CSMD2: variants seen among roughly 807,000 people sequenced by gnomAD.
CSMD2 encodes CUB and sushi domain-containing protein 2.
CSMD2 carries 130 observed loss-of-function variants against 398.5 expected under a neutral mutation model. The observed-to-expected ratio is 0.33, with a 90% CI of 0.28 to 0.38. The LOEUF is 0.38. CSMD2 is among the 10% of genes least tolerant of loss of function. The pLI is 1.00. For synonymous variants in CSMD2, 1,828 were observed against 1,908.5 expected, an observed-to-expected ratio of 0.96 and a Z score of 1.10; for missense variants, 3,829 against 4,764.9, an observed-to-expected ratio of 0.80 and a Z score of 5.78.
At chr1:34,066,589 G>A (rs919873174) in intron 2 of CSMD2, among the ~76,000 whole-genome samples, 3 of 152,180 alleles carry the variant, frequency 2.0e-5, no homozygotes, top group East Asian at 1.9e-4. Context: ...GCTCTGACGT[G>A]GAGTTAGAAG....
At chr1:34,019,770 C>T (rs1417060175) in intron 3 of CSMD2, among the ~76,000 whole-genome samples, 3 of 152,194 alleles carry the variant, frequency 2.0e-5, no homozygotes, top group Non-Finnish European at 4.4e-5. Flanking sequence ...CTTCCTGTGG[C>T]CTCCTAGGTC....
intron 2 of CSMD2, among the ~76,000 whole-genome samples, chr1:34,064,555 T>C (rs1006828020): frequency 3.3e-5 from 5 of 152,172 alleles, no homozygotes; most frequent in Non-Finnish European, 5.9e-5. Flanking sequence ...TGGACCCTAC[T>C]GTTCATATCA....
At chr1:34,120,930 C>T (rs74724233) in intron 1 of CSMD2, among the ~76,000 whole-genome samples, 5 of 152,224 alleles carry the variant, frequency 3.3e-5, no homozygotes, top group African/African-American at 1.2e-4. Flanking sequence ...GCATTTCCAA[C>T]CACCCATTCT....
At chr1:33,605,504 C>T (rs1177131920) in intron 41 of CSMD2, 34 bp from the exon 42 acceptor site, 4 of 1,605,800 alleles carry the variant, frequency 2.5e-6, no homozygotes, top group African/African-American at 2.7e-5. Flanking sequence ...TCACTTTATT[C>T]TCTCTGACCA....
At chr1:33,825,335 A>T (rs1023945970) in intron 7 of CSMD2, among the ~76,000 whole-genome samples, 8 of 152,230 alleles carry the variant, frequency 5.3e-5, no homozygotes, top group African/African-American at 1.9e-4. Flanking sequence ...TCCCAGCCCA[A>T]GGTTACTGAC....
At chr1:33,770,528 GC>G (rs1569843413) in intron 13 of CSMD2, among the ~76,000 whole-genome samples, 3 of 152,240 alleles carry the variant, frequency 2.0e-5, no homozygotes, top group Admixed American at 1.3e-4. Flanking sequence ...AAGGCATGGG[GC>G]CGGTTGGCTC....
chr1:34,023,405 G>T (rs1043018775), intron 3 of CSMD2, among the ~76,000 whole-genome samples: 19 of 152,284 alleles, frequency 1.2e-4, no homozygotes, highest in African/African-American at 4.3e-4. Context: ...ACAGGACAGG[G>T]TCTTCTCAGA....
chr1:34,094,940 A>T (rs1427292031), intron 1 of CSMD2, among the ~76,000 whole-genome samples: 3 of 146,128 alleles, frequency 2.1e-5, no homozygotes, highest in East Asian at 4.0e-4. Flanking sequence ...CTCCACCCCA[A>T]ATCAACAGAA....
At chr1:33,784,628 G>C (rs769323520) in intron 12 of CSMD2, among the ~76,000 whole-genome samples, 1 of 152,204 alleles carries the variant, frequency 6.6e-6, no homozygotes, top group African/African-American at 2.4e-5. Flanking sequence ...AGTATGGGGA[G>C]GGAGGGCCCT....
intron 37 of CSMD2, among the ~76,000 whole-genome samples, chr1:33,617,823 A>G (rs1012458593): frequency 3.3e-5 from 5 of 152,180 alleles, no homozygotes; most frequent in Admixed American, 1.3e-4. Context: ...CGGAGGCTCA[A>G]CAGACCAAAG....
At chr1:34,124,851 G>A (rs1662574185) in intron 1 of CSMD2, among the ~76,000 whole-genome samples, 1 of 152,112 alleles carries the variant, frequency 6.6e-6, no homozygotes, top group South Asian at 2.1e-4. Flanking sequence ...TAAAAACAAA[G>A]ACCAACTAGG....
chr1:33,994,425 CA>C (rs1646661202), intron 3 of CSMD2, among the ~76,000 whole-genome samples: 1 of 152,086 alleles, frequency 6.6e-6, no homozygotes, highest in Non-Finnish European at 1.5e-5. Context: ...CTCCCAATCC[CA>C]CGCTCACAGC....
At chr1:34,111,172 G>T (rs1352024442) in intron 1 of CSMD2, among the ~76,000 whole-genome samples, 2 of 152,198 alleles carry the variant, frequency 1.3e-5, no homozygotes, top group East Asian at 3.9e-4. Flanking sequence ...TCAGCACTCA[G>T]TTAATATTGG....
intron 13 of CSMD2, among the ~76,000 whole-genome samples, chr1:33,762,258 C>G (rs1649914105): frequency 6.6e-6 from 1 of 152,184 alleles, no homozygotes; most frequent in Non-Finnish European, 1.5e-5. Context: ...GAAAACAGAC[C>G]CTGGCTGGGG....
intron 5 of CSMD2, chr1:33,873,813 C>T (rs545212138): frequency 6.6e-6 from 1 of 152,324 alleles, no homozygotes; most frequent in Non-Finnish European, 1.5e-5. Context: ...AACCACTAAG[C>T]TTTGGAGTAA....
At chr1:33,687,832 A>G (rs1464024775) in intron 25 of CSMD2, among the ~76,000 whole-genome samples, 1 of 152,210 alleles carries the variant, frequency 6.6e-6, no homozygotes, top group Non-Finnish European at 1.5e-5. Context: ...GTTATAGACT[A>G]GAAATGAGCC....
At chr1:34,145,487 A>G (rs1639682785) in intron 1 of CSMD2, among the ~76,000 whole-genome samples, 1 of 152,208 alleles carries the variant, frequency 6.6e-6, no homozygotes, top group Non-Finnish European at 1.5e-5. Context: ...GCCCCTTGGC[A>G]GCATCTCCCA....
At chr1:34,092,958 C>CACAG (rs1224772601) in intron 1 of CSMD2, among the ~76,000 whole-genome samples, 3 of 152,108 alleles carry the variant, frequency 2.0e-5, no homozygotes, top group Non-Finnish European at 4.4e-5. Flanking sequence ...GGGGGCAGGG[C>CACAG]ACAGACAAAC....
chr1:34,136,613 T>C (rs1638778151), intron 1 of CSMD2, among the ~76,000 whole-genome samples: 1 of 152,224 alleles, frequency 6.6e-6, no homozygotes, highest in African/African-American at 2.4e-5. Flanking sequence ...TGGACTCCTC[T>C]CTGCATCATT....
Sources: allele counts gnomAD v4.1 joint callset (sites outside exome capture counted in the v4.1 genomes callset), GRCh38; gene constraint gnomAD v4.1.1; transcripts MANE v1.5; gene names NCBI Gene and HGNC (gene_info 2026-07-23, HGNC 2026-07-21).